CPM: variants seen among roughly 807,000 people sequenced by gnomAD.
CPM encodes renal carboxypeptidase.
Under a neutral mutation model 46.4 loss-of-function variants are expected in CPM, and 35 were observed. The ratio of observed to expected loss-of-function variants is 0.75; its 90% CI spans 0.58 to 1.00. The LOEUF (loss-of-function observed/expected upper bound fraction) is 1.00, where lower values mean the gene tolerates loss of function less well. CPM is among the 50% of genes least tolerant of loss of function. The pLI is 0.00. For synonymous variants in CPM, 195 were observed against 195.3 expected, an observed-to-expected ratio of 1.00 and a Z score of 0.01; for missense variants, 422 against 530.4, an observed-to-expected ratio of 0.80 and a Z score of 2.01.
At position 68,852,373 on chromosome 12, in the gene CPM, T is replaced by C. The variant is rs543661973; in HGVS notation, c.*4064A>G. ...ATTATACTGCCTTCAAAATACTTAT[T>C]ACCTGAGTGTTAACTATCATCTTTC... On this transcript the variant is annotated 3_prime_UTR_variant, in exon 9 of 9. Transcript: ENST00000551568. 18 of 152,276 alleles carry C rather than the reference T, an allele frequency of 1.2e-4. No individual in the cohort carries two copies. Among genetic ancestry groups the C allele is most frequent in the African/African-American group, 4.1e-4 (17 of 41,548 alleles). The allele number at this position is 152,276 out of a possible 1,614,324, so 9.4% of individuals were successfully genotyped here.
chr12:68,889,089 A>T (rs766550451), intron 2 of CPM, among the ~76,000 whole-genome samples: 1 of 152,238 alleles, frequency 6.6e-6, no homozygotes, highest in Non-Finnish European at 1.5e-5. Flanking sequence ...CTCTTGGGGT[A>T]AAGCGTGAAA....
chr12:68,962,795 C>T (rs1037645873), intron 1 of CPM, among the ~76,000 whole-genome samples: 5 of 152,216 alleles, frequency 3.3e-5, no homozygotes, highest in South Asian at 4.1e-4. Flanking sequence ...ATAAAACCTT[C>T]GTCTCCACAA....
At chr12:68,885,723 T>C in intron 3 of CPM, 69 bp downstream of exon 3, 6 of 1,273,008 alleles carry the variant, frequency 4.7e-6, no homozygotes, top group Non-Finnish European at 6.8e-6. Flanking sequence ...GTAGCATTTA[T>C]ACAGAGCTCA....
At chr12:68,909,203 T>C (rs1177155764) in intron 2 of CPM, among the ~76,000 whole-genome samples, 2 of 152,144 alleles carry the variant, frequency 1.3e-5, no homozygotes, top group Non-Finnish European at 2.9e-5. Context: ...CCATCATGCC[T>C]GGCTAGTTTT....
At chr12:68,925,547 G>A (rs1156581558) in intron 2 of CPM, among the ~76,000 whole-genome samples, 2 of 152,138 alleles carry the variant, frequency 1.3e-5, no homozygotes, top group Non-Finnish European at 2.9e-5. Flanking sequence ...AATATCTATT[G>A]ACAGGACACA....
At chr12:68,934,234 G>C (rs190874673), upstream of CPM, among the ~76,000 whole-genome samples, 115 of 152,152 alleles carry the variant, frequency 7.6e-4, no homozygotes, top group Non-Finnish European at 1.3e-3. Flanking sequence ...CCACTGATTT[G>C]AGATAACATT....
At chr12:68,929,806 G>A (rs533286217) in intron 2 of CPM, among the ~76,000 whole-genome samples, 2 of 152,074 alleles carry the variant, frequency 1.3e-5, no homozygotes, top group South Asian at 2.1e-4. Flanking sequence ...AAACAGCAAC[G>A]AATTCACATC....
intron 3 of CPM, among the ~76,000 whole-genome samples, chr12:68,882,862 A>C (rs941813724): frequency 6.6e-6 from 1 of 152,186 alleles, no homozygotes; most frequent in Non-Finnish European, 1.5e-5. Context: ...GACAATTTCT[A>C]ATTTAAAAAA....
upstream of CPM, among the ~76,000 whole-genome samples, chr12:68,934,459 A>G (rs185695463): frequency 1.3e-5 from 2 of 152,290 alleles, no homozygotes; most frequent in African/African-American, 4.8e-5. Flanking sequence ...TGAGACTTCC[A>G]GTGATTCTGC....
At chr12:68,956,428 C>G (rs1256911730) in intron 1 of CPM, among the ~76,000 whole-genome samples, 2 of 152,196 alleles carry the variant, frequency 1.3e-5, no homozygotes, top group East Asian at 1.9e-4. Context: ...CCCACTGGCT[C>G]CATGGAGCCT....
chr12:68,880,806 C>T (rs921961807), intron 3 of CPM, among the ~76,000 whole-genome samples: 5 of 152,144 alleles, frequency 3.3e-5, no homozygotes, highest in African/African-American at 9.7e-5. Flanking sequence ...TAAATGTTAG[C>T]TATTGTTATT....
chr12:68,861,263 G>A (rs1187671941), intron 7 of CPM, among the ~76,000 whole-genome samples: 1 of 152,114 alleles, frequency 6.6e-6, no homozygotes, highest in Non-Finnish European at 1.5e-5. Flanking sequence ...TGAATTTCTG[G>A]AGTCTTAATT....
chr12:68,877,549 T>C (rs902106918), intron 3 of CPM, among the ~76,000 whole-genome samples: 2 of 152,206 alleles, frequency 1.3e-5, no homozygotes, highest in Admixed American at 1.3e-4. Context: ...GACAGGGACT[T>C]GGGATATCTG....
At chr12:68,956,403 G>T (rs1889019229) in intron 1 of CPM, among the ~76,000 whole-genome samples, 2 of 152,146 alleles carry the variant, frequency 1.3e-5, no homozygotes, top group South Asian at 4.1e-4. Flanking sequence ...AACTTGGAAG[G>T]GTCTGTTCCC....
At chr12:68,864,670 T>C (rs1395388205) in intron 7 of CPM, among the ~76,000 whole-genome samples, 1 of 152,184 alleles carries the variant, frequency 6.6e-6, no homozygotes, top group African/African-American at 2.4e-5. Flanking sequence ...TGATGTTCAC[T>C]TGCACGCCCA....
intron 2 of CPM, among the ~76,000 whole-genome samples, chr12:68,904,915 G>T (rs1402596972): frequency 1.3e-5 from 2 of 152,002 alleles, no homozygotes; most frequent in African/African-American, 4.8e-5. Context: ...CAGAAAAGTG[G>T]TTTTTTTGGG....
In CPM at chr12:68,931,456, G is replaced by T. The variant is rs969783707; in HGVS notation, c.160+1222C>A. Among the ~76,000 whole-genome samples, 19 of 151,990 alleles carry T rather than the reference G, an allele frequency of 1.3e-4. No individual in the cohort carries two copies. In the East Asian group the frequency reaches 3.3e-3, roughly 26 times the overall value. ...AATAAAAGATGATTAAGTAATAATG[G>T]TATCTCGGCCGGGCACGGTGGCTCA... On this transcript the variant is annotated intron_variant, in intron 2 of 8. Transcript: ENST00000551568.
chr12:68,957,018 A>T (rs979940886), intron 1 of CPM, among the ~76,000 whole-genome samples: 1 of 152,120 alleles, frequency 6.6e-6, no homozygotes, highest in African/African-American at 2.4e-5. Context: ...CTCGGCCTTT[A>T]TCCTGTCTTT....
chr12:68,950,504 G>T (rs11177414), intron 1 of CPM, among the ~76,000 whole-genome samples: 1 of 152,100 alleles, frequency 6.6e-6, no homozygotes, highest in African/African-American at 2.4e-5. Flanking sequence ...GTTGTGGATT[G>T]ATTGGGCCAC....
Sources: gnomAD v4.1 joint callset for allele counts (sites outside exome capture counted in the v4.1 genomes callset) on GRCh38, gnomAD v4.1.1 for gene constraint, MANE v1.5 for transcripts, NCBI Gene and HGNC (gene_info 2026-07-23, HGNC 2026-07-21) for gene names.